LARS1: variants seen among roughly 807,000 people sequenced by gnomAD.
LARS1 encodes leucyl-tRNA synthetase 1.
A neutral mutation model predicts 162.8 loss-of-function variants in LARS1; 100 were observed. The ratio of observed to expected loss-of-function variants is 0.61; its 90% CI spans 0.52 to 0.73. The LOEUF (loss-of-function observed/expected upper bound fraction) is 0.73. Among genes scored for constraint, LARS1 ranks in the 30% least tolerant of loss-of-function variants. The pLI, the probability that LARS1 is intolerant of heterozygous loss-of-function variation, is 0.00. For synonymous variants in LARS1, 457 were observed against 462.8 expected, an observed-to-expected ratio of 0.99 and a Z score of 0.16; for missense variants, 1,258 against 1,408.9, an observed-to-expected ratio of 0.89 and a Z score of 1.71.
chr5:146,146,338 C>T lies in LARS1; in HGVS notation c.1504-1629G>A, dbSNP rs921088754. ...AGCCTGGGCAACAAGAGCAAAACTC[C>T]GAAAAAAAAAAAAAAAGAAAGAGAA... is the stretch of plus-strand genomic sequence containing the variant. On this transcript the variant is annotated intron_variant, in intron 15 of 31. Transcript: ENST00000394434. Among the ~76,000 whole-genome samples, 8 of 88,666 alleles carry T rather than the reference C, an allele frequency of 9.0e-5. No homozygotes were observed. The East Asian group carries it at 2.2e-3, about 24-fold the overall frequency. 58.2% of individuals were successfully genotyped at this position (88,666 alleles called of 152,430 possible).
At chr5:146,126,618 C>A in intron 27 of LARS1, 73 bp from the exon 28 acceptor site, 1 of 982,132 alleles carries the variant, frequency 1.0e-6, no homozygotes, top group South Asian at 1.4e-5. Flanking sequence ...TAGATGTGAC[C>A]AGGCATAGAA....
chr5:146,146,129 C>A (rs2126493115), intron 15 of LARS1, among the ~76,000 whole-genome samples: 1 of 151,948 alleles, frequency 6.6e-6, no homozygotes, highest in South Asian at 2.1e-4. Flanking sequence ...CTTTGGGAGG[C>A]CAAGAGTTCA....
At chr5:146,123,016 G>A (rs562935686) in intron 29 of LARS1, among the ~76,000 whole-genome samples, 11 of 152,030 alleles carry the variant, frequency 7.2e-5, no homozygotes, top group South Asian at 4.2e-4. Flanking sequence ...CATAAGGTGC[G>A]TCTGCATGGT....
At chr5:146,115,403 CA>C (rs1764162495) in intron 31 of LARS1, among the ~76,000 whole-genome samples, 1 of 151,618 alleles carries the variant, frequency 6.6e-6, no homozygotes, top group African/African-American at 2.4e-5. Flanking sequence ...CTCATTTGCT[CA>C]AAAGATGAAA....
intron 15 of LARS1, among the ~76,000 whole-genome samples, chr5:146,149,418 G>T (rs531683097): frequency 2.0e-5 from 3 of 152,066 alleles, no homozygotes; most frequent in Non-Finnish European, 2.9e-5. Context: ...TGCACACATC[G>T]ACTTTAAAAC....
intron 21 of LARS1, chr5:146,137,765 G>A: frequency 3.2e-6 from 1 of 311,130 alleles, no homozygotes; most frequent in South Asian, 2.6e-5. Context: ...ATGGCTGGAA[G>A]GCTGTGGTCC....
At chr5:146,116,724 G>A (rs1054182719) in intron 31 of LARS1, among the ~76,000 whole-genome samples, 3 of 152,196 alleles carry the variant, frequency 2.0e-5, no homozygotes, top group Non-Finnish European at 2.9e-5. Context: ...TATGGCATGG[G>A]TTGTGAGTGA....
chr5:146,153,859 T>C, intron 11 of LARS1, 34 bp downstream of exon 11: 1 of 1,607,786 alleles, frequency 6.2e-7, no homozygotes, highest in South Asian at 1.1e-5. Context: ...AATGTGTTTA[T>C]CAAAATATTT....
At chr5:146,153,124 T>G in intron 13 of LARS1, 50 bp downstream of exon 13, 1 of 1,390,906 alleles carries the variant, frequency 7.2e-7, no homozygotes, top group South Asian at 1.2e-5. Flanking sequence ...CTCTTCTTTT[T>G]CTCTGATAAA....
At chr5:146,122,319 C>T (rs1751861345) in intron 30 of LARS1, among the ~76,000 whole-genome samples, 173 bp downstream of exon 30, 1 of 152,076 alleles carries the variant, frequency 6.6e-6, no homozygotes, top group African/African-American at 2.4e-5. Flanking sequence ...GGAATTAGGA[C>T]ATTTCAGGTA....
chr5:146,136,099 T>A (rs897864773), intron 21 of LARS1, among the ~76,000 whole-genome samples: 1 of 152,246 alleles, frequency 6.6e-6, no homozygotes, highest in Non-Finnish European at 1.5e-5. Flanking sequence ...GTCACAAAAA[T>A]CGGTTGTTCA....
intron 25 of LARS1, 130 bp from the exon 26 acceptor site, chr5:146,129,248 C>T (rs1752174599): frequency 1.5e-6 from 1 of 682,268 alleles, no homozygotes; most frequent in South Asian, 2.3e-5. Flanking sequence ...AACTTGACTA[C>T]ACATAACACA....
At position 146,135,669 on chromosome 5, in the gene LARS1, AAT is replaced by A. The variant is rs1752472587; in HGVS notation, c.2149-7_2149-6del. 1.9e-6 allele frequency: 3 copies of A among 1,588,074 alleles called. No homozygotes were observed. The highest frequency in any genetic ancestry group is 3.3e-4 in the Middle Eastern group (2 of 6,004). On this transcript the variant is annotated splice_region_variant and splice_polypyrimidine_tract_variant and intron_variant, in intron 21 of 31. Coordinates refer to ENST00000394434, the MANE Select transcript of LARS1 (RefSeq NM_020117.11). ...GTTGCCTGTGGATTTTGACATCTGAAATAGAGAGTCAGTGATCAATCATTAAT... is the reference window on the plus strand; with the variant it reads ...GTTGCCTGTGGATTTTGACATCTGAAAGAGAGTCAGTGATCAATCATTAAT...
intron 31 of LARS1, among the ~76,000 whole-genome samples, chr5:146,115,046 G>GAAAAAAA (rs35008800): frequency 4.1e-5 from 4 of 97,632 alleles, no homozygotes; most frequent in Non-Finnish European, 6.1e-5. Context: ...CTGTCGGGGG[G>GAAAAAAA]AAAAAAAAAA....
chr5:146,131,486 GTTTT>G (rs140490084), intron 23 of LARS1: 10 of 119,456 alleles, frequency 8.4e-5, no homozygotes, highest in Non-Finnish European at 1.2e-4. Flanking sequence ...TTGTAGCCAA[GTTTT>G]TTTTTTTTTT....
At chr5:146,117,738 G>A (rs1751618967) in intron 31 of LARS1, among the ~76,000 whole-genome samples, 1 of 152,054 alleles carries the variant, frequency 6.6e-6, no homozygotes, top group African/African-American at 2.4e-5. Context: ...ATCATTCTAT[G>A]GTACCTAGTT....
intron 6 of LARS1, 29 bp downstream of exon 6, chr5:146,164,281 C>G: frequency 6.3e-7 from 1 of 1,596,356 alleles, no homozygotes; most frequent in East Asian, 2.2e-5. Context: ...CTTGTAAATG[C>G]TTTCCTCATA....
At chr5:146,174,022 T>C (rs1004107692) in intron 2 of LARS1, among the ~76,000 whole-genome samples, 6 of 151,782 alleles carry the variant, frequency 4.0e-5, no homozygotes, top group Non-Finnish European at 7.4e-5. Context: ...GCTTTTTCAG[T>C]TCACTTGTAA....
intron 31 of LARS1, among the ~76,000 whole-genome samples, chr5:146,115,938 AAAG>A (rs1162203661): frequency 6.6e-6 from 1 of 152,210 alleles, no homozygotes; most frequent in Non-Finnish European, 1.5e-5. Context: ...ATAAGAGATA[AAAG>A]AAGACTTTAA....
Sources: gnomAD v4.1 joint callset for allele counts (sites outside exome capture counted in the v4.1 genomes callset) on GRCh38, gnomAD v4.1.1 for gene constraint, MANE v1.5 for transcripts, NCBI Gene and HGNC (gene_info 2026-07-23, HGNC 2026-07-21) for gene names.